MYRIP: variants seen among roughly 807,000 people sequenced by gnomAD.
MYRIP encodes myosin VIIA and Rab interacting protein, also known as rab effector MyRIP.
Under a neutral mutation model 98.0 loss-of-function variants are expected in MYRIP, and 49 were observed. The ratio of observed to expected loss-of-function variants is 0.50; its 90% confidence interval spans 0.40 to 0.63. The LOEUF is 0.63. Ranked by LOEUF, MYRIP falls within the 30% of genes least tolerant of loss-of-function variation. The probability of loss-of-function intolerance (pLI) is 0.00; values close to 1 mark genes in which losing one functional copy is unlikely to be tolerated. For synonymous variants in MYRIP, 404 were observed against 409.5 expected, an observed-to-expected ratio of 0.99 and a Z score of 0.16; for missense variants, 1,004 against 1,058.2, an observed-to-expected ratio of 0.95 and a Z score of 0.71.
rs78605256 is a variant in MYRIP at position 40,177,073 on chromosome 3, TA to T, written c.874-5132del. On this transcript the variant is annotated intron_variant, in intron 8 of 16. Transcript: ENST00000302541. ...CTGGGCAACAGAGCAAGACCCTGTC[TA>T]AAAAAAAAAAAAAATGTCAGAAATA... is the stretch of plus-strand genomic sequence containing the variant. Among the ~76,000 whole-genome samples the T allele has an allele frequency of 7.3e-3, 988 of 135,012 alleles. 3 individuals are homozygous for T. The highest frequency in any genetic ancestry group is 0.019 in the African/African-American group (685 of 36,998). 88.6% of individuals were successfully genotyped at this position (135,012 alleles called of 152,430 possible).
At chr3:39,998,273 C>T (rs1034828786) in intron 2 of MYRIP, among the ~76,000 whole-genome samples, 1 of 152,146 alleles carries the variant, frequency 6.6e-6, no homozygotes, top group Non-Finnish European at 1.5e-5. Flanking sequence ...GATTGTATGT[C>T]TAGGAAACAC....
chr3:39,949,407 T>C (rs1424433719), intron 2 of MYRIP, among the ~76,000 whole-genome samples: 3 of 152,152 alleles, frequency 2.0e-5, no homozygotes, highest in East Asian at 3.9e-4. Flanking sequence ...TTAAACATAA[T>C]ACACTCAATG....
chr3:39,937,301 G>A (rs1281972547), intron 2 of MYRIP, among the ~76,000 whole-genome samples: 1 of 152,224 alleles, frequency 6.6e-6, no homozygotes, highest in African/African-American at 2.4e-5. Flanking sequence ...GTAGAGTCAT[G>A]AGGTTTTTTT....
chr3:39,917,616 T>C (rs1944193814), intron 2 of MYRIP, among the ~76,000 whole-genome samples: 1 of 151,924 alleles, frequency 6.6e-6, no homozygotes. Context: ...ATTCTGTAAA[T>C]GACTAAGAGA....
chr3:40,163,036 C>T, intron 5 of MYRIP: 1 of 444,004 alleles, frequency 2.3e-6, no homozygotes, highest in South Asian at 3.5e-5. Flanking sequence ...ATTCGTTACC[C>T]AACCATGGAT....
At chr3:40,208,465 G>C (rs1327027823) in intron 10 of MYRIP, among the ~76,000 whole-genome samples, 3 of 152,176 alleles carry the variant, frequency 2.0e-5, no homozygotes. Context: ...AATAGAGTAA[G>C]AGTCACACTC....
chr3:39,944,432 T>G (rs772418289), intron 2 of MYRIP, among the ~76,000 whole-genome samples: 9 of 151,596 alleles, frequency 5.9e-5, no homozygotes, highest in Non-Finnish European at 1.3e-4. Flanking sequence ...TAAGTGAAAA[T>G]CAAGATTAAA....
At chr3:40,040,132 T>C (rs1287115669) in intron 2 of MYRIP, among the ~76,000 whole-genome samples, 2 of 152,216 alleles carry the variant, frequency 1.3e-5, no homozygotes, top group African/African-American at 4.8e-5. Flanking sequence ...TAGTTACAGA[T>C]TCCAGTGATT....
At chr3:40,062,564 A>G (rs1948040246) in intron 3 of MYRIP, among the ~76,000 whole-genome samples, 1 of 152,224 alleles carries the variant, frequency 6.6e-6, no homozygotes, top group Non-Finnish European at 1.5e-5. Context: ...GAGGACCCAT[A>G]CAAAATCCAT....
At chr3:39,973,813 C>T (rs1024202590) in intron 2 of MYRIP, among the ~76,000 whole-genome samples, 1 of 152,074 alleles carries the variant, frequency 6.6e-6, no homozygotes, top group Non-Finnish European at 1.5e-5. Context: ...GGGTACATAA[C>T]GAAATGAAGG....
intron 10 of MYRIP, among the ~76,000 whole-genome samples, chr3:40,193,455 T>C (rs1214902709): frequency 6.6e-6 from 1 of 152,196 alleles, no homozygotes; most frequent in Non-Finnish European, 1.5e-5. Flanking sequence ...AAAGACTTTT[T>C]CAATATCTTG....
intron 1 of MYRIP, among the ~76,000 whole-genome samples, chr3:39,896,589 A>C (rs1943616371): frequency 6.6e-6 from 1 of 152,184 alleles, no homozygotes; most frequent in East Asian, 1.9e-4. Context: ...ATTTCTTTTC[A>C]GTTCTAACCT....
At position 40,212,252 on chromosome 3, in the gene MYRIP, A is replaced by ATG. The variant is rs1375849593; in HGVS notation, c.1905+2160_1905+2161insGT. 3.7e-4 allele frequency among the ~76,000 whole-genome samples: 43 copies of ATG among 114,956 alleles called. 5 individuals are homozygous for ATG. The highest frequency in any genetic ancestry group is 8.9e-4 in the East Asian group (4 of 4,472). 75.4% of individuals were successfully genotyped at this position (114,956 alleles called of 152,430 possible). Reference sequence around the variant, plus strand: ...CACACACACACACACACACATATATATATATACACGTATATATATAGAGAG... The same window carrying ATG: ...CACACACACACACACACACATATATATGTATATACACGTATATATATAGAGAG... On this transcript the variant is annotated intron_variant, in intron 11 of 16. Coordinates refer to ENST00000302541, the MANE Select transcript of MYRIP (RefSeq NM_015460.4).
intron 2 of MYRIP, among the ~76,000 whole-genome samples, chr3:40,032,263 G>C (rs555974943): frequency 1.3e-5 from 2 of 152,198 alleles, no homozygotes; most frequent in African/African-American, 2.4e-5. Flanking sequence ...AGTCATTCAG[G>C]AGCAGGTTGT....
intron 2 of MYRIP, among the ~76,000 whole-genome samples, chr3:39,955,092 A>C (rs1945121810): frequency 6.6e-6 from 1 of 152,208 alleles, no homozygotes; most frequent in Admixed American, 6.5e-5. Flanking sequence ...CCAAGTTGGA[A>C]AACACTCTGC....
chr3:39,963,598 G>A (rs1945375245), intron 2 of MYRIP, among the ~76,000 whole-genome samples: 1 of 152,092 alleles, frequency 6.6e-6, no homozygotes, highest in East Asian at 1.9e-4. Context: ...ACTATCTTGT[G>A]TGTTGCTATT....
chr3:39,816,823 A>G (rs544985469), intron 1 of MYRIP, among the ~76,000 whole-genome samples: 23 of 152,212 alleles, frequency 1.5e-4, no homozygotes, highest in Non-Finnish European at 2.5e-4. Context: ...AAATTTTTAT[A>G]TATTTTTTTC....
chr3:40,201,590 G>A (rs147881802), intron 10 of MYRIP, among the ~76,000 whole-genome samples: 1 of 152,230 alleles, frequency 6.6e-6, no homozygotes, highest in African/African-American at 2.4e-5. Context: ...TACCTTCTGT[G>A]CAATTCCACC....
intron 1 of MYRIP, among the ~76,000 whole-genome samples, chr3:39,882,974 T>A (rs115202986): frequency 0.035 from 5,189 of 146,658 alleles, 113 homozygotes; most frequent in Non-Finnish European, 0.042. Context: ...GAGAGAAAAA[T>A]AAAAAATATG....
Sources: gnomAD v4.1 joint callset for allele counts (sites outside exome capture counted in the v4.1 genomes callset) on GRCh38, gnomAD v4.1.1 for gene constraint, MANE v1.5 for transcripts, NCBI Gene and HGNC (gene_info 2026-07-23, HGNC 2026-07-21) for gene names.